THOC2: variants seen among roughly 807,000 people sequenced by gnomAD.
THOC2 encodes THO complex 2.
Under a neutral mutation model 128.4 loss-of-function variants are expected in THOC2, and 10 were observed. The ratio of observed to expected loss-of-function variants is 0.08; its 90% CI spans 0.05 to 0.13. The LOEUF (loss-of-function observed/expected upper bound fraction) is 0.13, where lower values mean the gene tolerates loss of function less well. THOC2 is among the 10% of genes least tolerant of loss of function. THOC2 has a pLI of 1.00. For missense variants in THOC2, 535 were observed against 1,155.7 expected (o/e 0.46, Z 7.79); for synonymous variants, 393 against 396.9 (o/e 0.99, Z 0.12).
At position 123,670,457 on chromosome X, in the gene THOC2, A is replaced by G. The variant is rs1306247921; in HGVS notation, c.861+1212T>C. ...AACATGGTGAAACCCCATCTCCACTAAAAATACAAAAATTACTTGGGCATG... is the reference window on the plus strand; with the variant it reads ...AACATGGTGAAACCCCATCTCCACTGAAAATACAAAAATTACTTGGGCATG... On this transcript the variant is annotated intron_variant, in intron 9 of 38. Transcript: ENST00000245838. Among the ~76,000 whole-genome samples, 7 of 110,495 alleles carry G rather than the reference A, an allele frequency of 6.3e-5. No individual in the cohort carries two copies. The East Asian group carries it at 2.0e-3, about 31-fold the overall frequency.
chrX:123,623,368 T>C (rs1158902253), intron 28 of THOC2, 85 bp from the exon 29 acceptor site: 2 of 934,532 alleles, frequency 2.1e-6, no homozygotes, highest in Non-Finnish European at 2.9e-6. Context: ...ATTAGCAAGT[T>C]ATTCATTCTA....
intron 7 of THOC2, among the ~76,000 whole-genome samples, chrX:123,691,087 C>T (rs981244677): frequency 9.0e-6 from 1 of 111,200 alleles, no homozygotes; most frequent in African/African-American, 3.3e-5. Context: ...TGGTGTGTGC[C>T]TGTAGTACCA....
At chrX:123,665,938 T>C (rs1026801968) in intron 11 of THOC2, 101 bp from the exon 12 acceptor site, 112 of 497,247 alleles carry the variant, frequency 2.3e-4, no homozygotes, top group Non-Finnish European at 3.0e-4. Context: ...TTAACAAAGT[T>C]ATCTTAATCA....
intron 33 of THOC2, among the ~76,000 whole-genome samples, chrX:123,619,168 T>C (rs2047000061): frequency 8.9e-6 from 1 of 112,078 alleles, no homozygotes; most frequent in Admixed American, 9.4e-5. Flanking sequence ...GGAGAGATGA[T>C]AGAAATGTTG....
At chrX:123,604,716 G>C (rs1460825541) in intron 38 of THOC2, among the ~76,000 whole-genome samples, 1 of 111,545 alleles carries the variant, frequency 9.0e-6, no homozygotes, top group African/African-American at 3.3e-5. Context: ...AGTTTATATA[G>C]ATTCTTCATA....
chrX:123,645,214 G>T, intron 13 of THOC2, 120 bp downstream of exon 13: 1 of 506,825 alleles, frequency 2.0e-6, no homozygotes, highest in Non-Finnish European at 3.1e-6. Context: ...ACTATAATCA[G>T]CATCTACATT....
At chrX:123,644,434 C>T (rs2048046204) in intron 15 of THOC2, 141 bp downstream of exon 15, 1 of 354,693 alleles carries the variant, frequency 2.8e-6, no homozygotes, top group African/African-American at 2.6e-5. Context: ...AACAGTCATT[C>T]CATCTGTAGT....
chrX:123,604,543 A>C (rs751903708), intron 38 of THOC2, among the ~76,000 whole-genome samples: 1 of 111,524 alleles, frequency 9.0e-6, no homozygotes, highest in Non-Finnish European at 1.9e-5. Flanking sequence ...TTGAAAAGTA[A>C]GGTGGTCTGG....
chrX:123,629,159 C>CTA (rs1473417994), intron 22 of THOC2, among the ~76,000 whole-genome samples: 2 of 98,399 alleles, frequency 2.0e-5, no homozygotes, highest in Non-Finnish European at 4.1e-5. Context: ...TCTATATATT[C>CTA]TATATATATG....
At chrX:123,619,149 A>C (rs769061759) in intron 33 of THOC2, among the ~76,000 whole-genome samples, 2 of 112,397 alleles carry the variant, frequency 1.8e-5, no homozygotes, top group East Asian at 5.5e-4. Flanking sequence ...GGTATAACAC[A>C]GCAAGCAAGG....
chrX:123,670,211 C>T (rs1191300727), intron 9 of THOC2, among the ~76,000 whole-genome samples: 1 of 112,321 alleles, frequency 8.9e-6, no homozygotes, highest in Non-Finnish European at 1.9e-5. Flanking sequence ...TCACTTAAGC[C>T]GTTAACAGTT....
chrX:123,730,470 G>A (rs1374614583), intron 1 of THOC2, among the ~76,000 whole-genome samples: 1 of 112,211 alleles, frequency 8.9e-6, no homozygotes, highest in African/African-American at 3.2e-5. Flanking sequence ...GAGCCACCAC[G>A]CTCGGCTTCT....
At chrX:123,617,155 A>C (rs1049739003) in intron 33 of THOC2, among the ~76,000 whole-genome samples, 5 of 110,864 alleles carry the variant, frequency 4.5e-5, no homozygotes, top group African/African-American at 1.6e-4. Flanking sequence ...AAAATGCAAC[A>C]TCAGCTACTA....
chrX:123,682,242 G>GA (rs1244851976), intron 8 of THOC2, among the ~76,000 whole-genome samples: 4 of 112,182 alleles, frequency 3.6e-5, no homozygotes, highest in Admixed American at 9.4e-5. Context: ...TTCTACATTT[G>GA]AAAATGTTCA....
intron 38 of THOC2, among the ~76,000 whole-genome samples, chrX:123,606,891 T>C (rs1367448983): frequency 9.0e-6 from 1 of 111,355 alleles, no homozygotes; most frequent in Non-Finnish European, 1.9e-5. Flanking sequence ...ACTGAGTATC[T>C]CAAGGCCTGG....
chrX:123,731,749 G>A (rs1201734634), intron 1 of THOC2, among the ~76,000 whole-genome samples: 2 of 111,165 alleles, frequency 1.8e-5, no homozygotes. Flanking sequence ...GCAGTGCGGG[G>A]GGTGCGGGGG....
At chrX:123,693,993 C>T (rs2050338238) in intron 7 of THOC2, among the ~76,000 whole-genome samples, 1 of 110,744 alleles carries the variant, frequency 9.0e-6, no homozygotes, top group East Asian at 2.8e-4. Flanking sequence ...GCCTGTTCTC[C>T]CTGAGAGTAA....
At chrX:123,619,323 G>T in intron 33 of THOC2, 78 bp downstream of exon 33, 1 of 582,039 alleles carries the variant, frequency 1.7e-6, no homozygotes. Flanking sequence ...GAATGTACTA[G>T]GGTGAGGACA....
At chrX:123,681,629 T>C (rs1333758511) in intron 8 of THOC2, among the ~76,000 whole-genome samples, 1 of 111,710 alleles carries the variant, frequency 9.0e-6, no homozygotes, top group Non-Finnish European at 1.9e-5. Context: ...GTCAACGCCA[T>C]TAAAAAATGG....
Sources: gnomAD v4.1 joint callset for allele counts (sites outside exome capture counted in the v4.1 genomes callset) on GRCh38, gnomAD v4.1.1 for gene constraint, MANE v1.5 for transcripts, NCBI Gene and HGNC (gene_info 2026-07-23, HGNC 2026-07-21) for gene names.